Variants in HIP1 observed in about 807,000 individuals in gnomAD.
The protein encoded by HIP1 is huntingtin interacting protein 1, also known as huntingtin-interacting protein 1.
In HIP1, 65 loss-of-function variants were observed where a neutral mutation model predicts 147.6. The observed-to-expected ratio is 0.44, with a 90% CI of 0.36 to 0.54. The LOEUF (loss-of-function observed/expected upper bound fraction) is 0.54, where lower values mean the gene tolerates loss of function less well. Among genes scored for constraint, HIP1 ranks in the 20% least tolerant of loss-of-function variants. The pLI, the probability that HIP1 is intolerant of heterozygous loss-of-function variation, is 0.00. For missense variants in HIP1, 1,061 were observed against 1,299.6 expected, an observed-to-expected ratio of 0.82 and a Z score of 2.82; for synonymous variants, 479 against 504.0, an observed-to-expected ratio of 0.95 and a Z score of 0.67.
intron 1 of HIP1, among the ~76,000 whole-genome samples, chr7:75,723,794 T>G (rs2117385650): frequency 6.6e-6 from 1 of 152,266 alleles, no homozygotes; most frequent in South Asian, 2.1e-4. Flanking sequence ...GATCCTTAAT[T>G]ACATTTGCAA....
chr7:75,719,287 G>A lies in HIP1; in HGVS notation c.120+19514C>T, dbSNP rs1554520894. On this transcript the variant is annotated intron_variant, in intron 1 of 30. Coordinates refer to ENST00000336926, the MANE Select transcript of HIP1 (RefSeq NM_005338.7). The stretch of plus-strand genomic sequence containing the variant: ...TGGGAGGCCAAGGCGGGCGGATCAT[G>A]AGGTCAGGAGATCAAAACCATCCTG... 2.0e-5 allele frequency among the ~76,000 whole-genome samples: 3 copies of A among 152,166 alleles called. No homozygotes were observed. In the South Asian group the frequency reaches 6.2e-4, roughly 32 times the overall value.
chr7:75,556,125 C>T lies in HIP1; in HGVS notation c.1728G>A (p.Glu576=). The T allele has an allele frequency of 6.2e-7, 1 of 1,614,216 alleles. No homozygotes were observed. Among genetic ancestry groups the T allele is most frequent in the Non-Finnish European group, 8.5e-7 (1 of 1,180,042 alleles). ...WAAEFAELEK[E]RDSLVSGAAH... ...CTGCGCCACTCACCAGGCTGTCCCGCTCCTTCTCTAGCTCGGCGAACTCGG... is the reference window on the plus strand; with the variant it reads ...CTGCGCCACTCACCAGGCTGTCCCGTTCCTTCTCTAGCTCGGCGAACTCGG... Residue 576 remains glutamate, a synonymous_variant, in exon 18 of 31, where the codon GAG becomes GAA. Coordinates refer to ENST00000336926, the MANE Select transcript of HIP1 (RefSeq NM_005338.7).
intron 5 of HIP1, among the ~76,000 whole-genome samples, chr7:75,585,998 T>TAG (rs1554499563): frequency 6.6e-6 from 1 of 150,436 alleles, no homozygotes; most frequent in East Asian, 2.0e-4. Flanking sequence ...AATTTTTTTG[T>TAG]AGAGACAGGA....
intron 25 of HIP1, among the ~76,000 whole-genome samples, chr7:75,545,447 G>A (rs992660674): frequency 1.3e-5 from 2 of 151,532 alleles, no homozygotes; most frequent in Non-Finnish European, 2.9e-5. Flanking sequence ...TTCAAGACCA[G>A]CTTGGGCAAC....
intron 1 of HIP1, among the ~76,000 whole-genome samples, chr7:75,646,339 G>A (rs535428270): frequency 9.3e-4 from 142 of 152,260 alleles, no homozygotes; most frequent in African/African-American, 3.3e-3. Context: ...CACTCATCTC[G>A]GCCTCCCAAA....
At chr7:75,722,382 A>G (rs1554521631) in intron 1 of HIP1, among the ~76,000 whole-genome samples, 1 of 152,208 alleles carries the variant, frequency 6.6e-6, no homozygotes, top group Admixed American at 6.6e-5. Context: ...CCTCTGGGAC[A>G]ATCTCATCCA....
intron 1 of HIP1, among the ~76,000 whole-genome samples, chr7:75,672,103 T>C (rs1554515393): frequency 6.6e-6 from 1 of 152,222 alleles, no homozygotes; most frequent in African/African-American, 2.4e-5. Flanking sequence ...AGTTTTGATT[T>C]GCATTTCCTT....
intron 7 of HIP1, among the ~76,000 whole-genome samples, chr7:75,576,891 C>A (rs1207259475): frequency 6.6e-6 from 1 of 152,126 alleles, no homozygotes; most frequent in Non-Finnish European, 1.5e-5. Flanking sequence ...AATATATTAG[C>A]CATATGTGGC....
chr7:75,700,858 A>T lies in HIP1; in HGVS notation c.120+37943T>A, dbSNP rs902270863. 9.2e-5 allele frequency among the ~76,000 whole-genome samples: 14 copies of T among 151,874 alleles called. 1 individual carries two copies. Among genetic ancestry groups the T allele is most frequent in the African/African-American group, 2.4e-4 (10 of 41,358 alleles). On this transcript the variant is annotated intron_variant, in intron 1 of 30. Coordinates refer to ENST00000336926, the MANE Select transcript of HIP1 (RefSeq NM_005338.7). ...GTAGCTGGGACTACAGGCACCCGCC[A>T]CCACACCCGGCTAATTTTTTGTATT...
intron 22 of HIP1, among the ~76,000 whole-genome samples, chr7:75,549,464 GGGCTCA>G (rs1236852045): frequency 6.7e-6 from 1 of 148,236 alleles, no homozygotes; most frequent in Non-Finnish European, 1.5e-5. Context: ...TCCGCCTCCC[GGGCTCA>G]AGGGATTATC....
intron 23 of HIP1, 63 bp from the exon 24 acceptor site, chr7:75,547,876 C>T: frequency 7.0e-7 from 1 of 1,427,472 alleles, no homozygotes; most frequent in African/African-American, 1.4e-5. Context: ...TAATGTCTTA[C>T]TATACTTTCA....
chr7:75,584,101 A>T (rs1416825697), intron 5 of HIP1, among the ~76,000 whole-genome samples: 1 of 150,468 alleles, frequency 6.6e-6, no homozygotes, highest in Non-Finnish European at 1.5e-5. Context: ...GCTGGGATTA[A>T]CAGGCACGCA....
At chr7:75,733,070 T>C (rs1214775529) in intron 1 of HIP1, among the ~76,000 whole-genome samples, 1 of 152,200 alleles carries the variant, frequency 6.6e-6, no homozygotes, top group Admixed American at 6.5e-5. Flanking sequence ...GAGAAAACCA[T>C]TTTCCAGCTA....
At chr7:75,634,953 A>C (rs1798373057) in intron 1 of HIP1, among the ~76,000 whole-genome samples, 1 of 151,034 alleles carries the variant, frequency 6.6e-6, no homozygotes, top group Admixed American at 6.6e-5. Context: ...AAAAAAAAAA[A>C]AAAAAAAAAA....
intron 24 of HIP1, among the ~76,000 whole-genome samples, chr7:75,547,425 G>A (rs587700982): frequency 6.5e-4 from 99 of 152,116 alleles, no homozygotes; most frequent in South Asian, 1.5e-3. Flanking sequence ...GCACCACCAC[G>A]CCTGGCTAAT....
At chr7:75,601,096 T>C (rs1354313474) in intron 1 of HIP1, among the ~76,000 whole-genome samples, 5 of 152,102 alleles carry the variant, frequency 3.3e-5, no homozygotes, top group African/African-American at 1.2e-4. Context: ...ATAAATATGT[T>C]GTGGTTAATT....
intron 1 of HIP1, among the ~76,000 whole-genome samples, chr7:75,662,280 C>T (rs1407078849): frequency 2.6e-5 from 4 of 152,112 alleles, no homozygotes; most frequent in African/African-American, 9.6e-5. Context: ...AACTCCTGGG[C>T]TCCAGTAACC....
chr7:75,570,587 G>GACACATCATTTTAA (rs1563210377), intron 8 of HIP1, among the ~76,000 whole-genome samples: 1 of 151,630 alleles, frequency 6.6e-6, no homozygotes, highest in Non-Finnish European at 1.5e-5. Context: ...CACCGTGCCC[G>GACACATCATTTTAA]GCCAGTTGTG....
intron 8 of HIP1, among the ~76,000 whole-genome samples, chr7:75,573,302 C>A (rs1277921949): frequency 6.6e-6 from 1 of 152,212 alleles, no homozygotes; most frequent in Non-Finnish European, 1.5e-5. Flanking sequence ...TCCATGGCCT[C>A]TTTTCTGCTG....
Sources: allele counts gnomAD v4.1 joint callset (sites outside exome capture counted in the v4.1 genomes callset), GRCh38; gene constraint gnomAD v4.1.1; transcripts MANE v1.5; gene names NCBI Gene and HGNC (gene_info 2026-07-23, HGNC 2026-07-21).